Variants in C6 observed in about 807,000 individuals in gnomAD.
The protein encoded by C6 is complement C6.
In C6, 101 loss-of-function variants were observed where a neutral mutation model predicts 112.9. The ratio of observed to expected loss-of-function variants is 0.89; its 90% confidence interval spans 0.76 to 1.06. The LOEUF (loss-of-function observed/expected upper bound fraction) is 1.06. C6 is among the 50% of genes least tolerant of loss of function. The pLI is 0.00. For synonymous variants in C6, 431 were observed against 384.1 expected, an observed-to-expected ratio of 1.12 and a Z score of -1.43; for missense variants, 1,202 against 1,104.6, an observed-to-expected ratio of 1.09 and a Z score of -1.25.
At chr5:41,167,229 G>T (rs559135505) in intron 9 of C6, among the ~76,000 whole-genome samples, 2 of 151,958 alleles carry the variant, frequency 1.3e-5, no homozygotes, top group East Asian at 3.9e-4. Flanking sequence ...AGATTTGAAG[G>T]CTAGGGTTTT....
At chr5:41,184,543 C>G (rs1749618655) in intron 6 of C6, among the ~76,000 whole-genome samples, 1 of 151,928 alleles carries the variant, frequency 6.6e-6, no homozygotes, top group Non-Finnish European at 1.5e-5. Flanking sequence ...GTGATCTCGG[C>G]TCACTGCAGC....
Position 41,172,879 on chromosome 5 carries a change from T to C in C6, c.1169-532A>G, listed in dbSNP as rs192152387. Among the ~76,000 whole-genome samples the C allele has an allele frequency of 8.5e-5, 13 of 152,294 alleles. No individual in the cohort carries two copies. The East Asian group carries it at 2.5e-3, about 29-fold the overall frequency. ...ATGCAAATCTTCTTGGCCATGCTTC[T>C]TCCGTGAACACTCATTCTCATACCT... is the stretch of plus-strand genomic sequence containing the variant. On this transcript the variant is annotated intron_variant, in intron 8 of 17. Transcript: ENST00000337836.
chr5:41,234,964 C>T (rs151298896), intron 1 of C6, among the ~76,000 whole-genome samples: 4 of 151,106 alleles, frequency 2.6e-5, no homozygotes, highest in Admixed American at 6.6e-5. Flanking sequence ...TGAGATTTGT[C>T]CTTCTATTCA....
chr5:41,153,435 CACTT>C (rs144191391), intron 15 of C6, among the ~76,000 whole-genome samples: 1,703 of 152,300 alleles, frequency 0.011, 31 homozygotes, highest in African/African-American at 0.039. Context: ...ATTCCACTGA[CACTT>C]ACATTCCTTG....
In C6 at chr5:41,192,986, C is replaced by T. The variant is rs118176246; in HGVS notation, c.587+2806G>A. On this transcript the variant is annotated intron_variant, in intron 5 of 17. Coordinates refer to ENST00000337836, the MANE Select transcript of C6 (RefSeq NM_000065.5). ...TGATGGTTATATAAGTCTTTGAATA[C>T]GCTGAAGATGGTTGAATTAGACACT... 1.4e-3 allele frequency among the ~76,000 whole-genome samples: 220 copies of T among 152,206 alleles called. 5 individuals are homozygous for T. The East Asian group carries it at 0.038, about 27-fold the overall frequency.
At chr5:41,161,932 A>C (rs1747555254) in intron 9 of C6, 73 bp from the exon 10 acceptor site, 1 of 1,444,792 alleles carries the variant, frequency 6.9e-7, no homozygotes, top group Non-Finnish European at 9.7e-7. Context: ...ACAAACAAAA[A>C]CCTATTTGTA....
In C6 at chr5:41,194,429, T is replaced by C. The variant is rs1750452757; in HGVS notation, c.587+1363A>G. ...GAGTTATTTAGAACTCAGCTCCTCT[T>C]ACTTTCAGACTAATGGTTTTTCCAT... On this transcript the variant is annotated intron_variant, in intron 5 of 17. Transcript: ENST00000337836. Among the ~76,000 whole-genome samples the C allele has an allele frequency of 6.6e-5, 10 of 152,300 alleles. No homozygotes were observed. The South Asian group carries it at 2.1e-3, about 32-fold the overall frequency.
At chr5:41,254,283 G>A (rs1741542305) in intron 1 of C6, among the ~76,000 whole-genome samples, 1 of 152,264 alleles carries the variant, frequency 6.6e-6, no homozygotes, top group African/African-American at 2.4e-5. Context: ...ATGGGCGCCT[G>A]TAGTCCCAAC....
upstream of C6, among the ~76,000 whole-genome samples, chr5:41,216,435 C>A (rs931029225): frequency 6.6e-6 from 1 of 152,140 alleles, no homozygotes; most frequent in Admixed American, 6.6e-5. Flanking sequence ...ATTTTATCCT[C>A]ACCCCTTTTC....
At chr5:41,157,281 G>A (rs1034763760) in intron 13 of C6, among the ~76,000 whole-genome samples, 23 of 152,176 alleles carry the variant, frequency 1.5e-4, no homozygotes, top group African/African-American at 4.8e-4. Context: ...GAAAGCCTTC[G>A]TGTGTTTTAA....
chr5:41,181,650 T>G, intron 6 of C6, 91 bp from the exon 7 acceptor site: 1 of 1,070,882 alleles, frequency 9.3e-7, no homozygotes. Flanking sequence ...TATTTATTTA[T>G]GCACTCAGCC....
chr5:41,207,647 G>A (rs530337383), intron 1 of C6, among the ~76,000 whole-genome samples: 208 of 152,302 alleles, frequency 1.4e-3, no homozygotes, highest in Middle Eastern at 3.4e-3. Flanking sequence ...TTACATAATG[G>A]TAAAGGGATG....
chr5:41,236,549 C>A (rs1265058253), intron 1 of C6, among the ~76,000 whole-genome samples: 1 of 111,596 alleles, frequency 9.0e-6, no homozygotes, highest in Non-Finnish European at 1.9e-5. Flanking sequence ...ACACCACATA[C>A]CAGAATCTCT....
chr5:41,224,848 C>A (rs1739390758), intron 1 of C6, among the ~76,000 whole-genome samples: 2 of 152,126 alleles, frequency 1.3e-5, no homozygotes, highest in Non-Finnish European at 2.9e-5. Flanking sequence ...AGCGATTGCA[C>A]CATTTTGCAT....
intron 7 of C6, 64 bp downstream of exon 7, chr5:41,181,295 A>T (rs1010498741): frequency 1.4e-6 from 2 of 1,411,540 alleles, no homozygotes; most frequent in East Asian, 2.3e-5. Flanking sequence ...TTCTTATTGC[A>T]TGATTACTGG....
At chr5:41,159,364 G>C in intron 11 of C6, 111 bp from the exon 12 acceptor site, 3 of 1,488,554 alleles carry the variant, frequency 2.0e-6, no homozygotes, top group Non-Finnish European at 2.7e-6. Context: ...TCCTTTGTGG[G>C]ATATGATAGG....
intron 1 of C6, among the ~76,000 whole-genome samples, chr5:41,208,406 C>A (rs1751613579): frequency 6.6e-6 from 1 of 151,934 alleles, no homozygotes; most frequent in Non-Finnish European, 1.5e-5. Context: ...CACAAAAAAC[C>A]CTTCAAAAAA....
chr5:41,191,117 A>G (rs1580154159), intron 5 of C6, among the ~76,000 whole-genome samples: 1 of 118,146 alleles, frequency 8.5e-6, no homozygotes, highest in East Asian at 2.5e-4. Context: ...CCCAGGCTGG[A>G]GTGCAGTGGC....
chr5:41,174,385 T>A (rs1292434278), intron 8 of C6, among the ~76,000 whole-genome samples: 1 of 152,204 alleles, frequency 6.6e-6, no homozygotes, highest in Non-Finnish European at 1.5e-5. Flanking sequence ...GCTACCCTGA[T>A]GCGTAAAAGA....
Sources: gnomAD v4.1 joint callset for allele counts (sites outside exome capture counted in the v4.1 genomes callset) on GRCh38, gnomAD v4.1.1 for gene constraint, MANE v1.5 for transcripts, NCBI Gene and HGNC (gene_info 2026-07-23, HGNC 2026-07-21) for gene names.